Variants in CELF4 observed in about 807,000 individuals in gnomAD.
CELF4 encodes the protein CUG-BP- and ETR-3-like factor 4.
In CELF4, 18 loss-of-function variants were observed where a neutral mutation model predicts 59.9. The observed-to-expected ratio is 0.30, with a 90% CI of 0.21 to 0.45. CELF4 has a LOEUF of 0.45. Ranked by LOEUF, CELF4 falls within the 20% of genes least tolerant of loss-of-function variation. The pLI, the probability that CELF4 is intolerant of heterozygous loss-of-function variation, is 1.00. For synonymous variants in CELF4, 261 were observed against 267.1 expected, an observed-to-expected ratio of 0.98 and a Z score of 0.22; for missense variants, 456 against 689.0, an observed-to-expected ratio of 0.66 and a Z score of 3.79.
intron 1 of CELF4, among the ~76,000 whole-genome samples, chr18:37,500,634 T>C (rs1479849527): frequency 4.0e-5 from 6 of 151,444 alleles, no homozygotes; most frequent in South Asian, 4.2e-4. Flanking sequence ...CCTGGGTTCA[T>C]GCCATTCTCC....
chr18:37,485,625 C>G lies in CELF4; in HGVS notation c.287-18G>C. 1 of 1,416,894 alleles carries G rather than the reference C, an allele frequency of 7.1e-7. No individual in the cohort carries two copies. The highest frequency in any genetic ancestry group is 9.3e-7 in the Non-Finnish European group (1 of 1,072,310). 87.8% of individuals were successfully genotyped at this position (1,416,894 alleles called of 1,614,324 possible). A position where few individuals can be genotyped will look rare whatever the true frequency, so the allele number is the denominator to read the frequency against. On this transcript the variant is annotated intron_variant, in intron 1 of 12. Transcript: ENST00000420428. ...GGCGCAGCCTGGGGAGGAAAGCAAG[C>G]GCCAAGAAGGGTCAGTGGGGCGCCC... is the stretch of plus-strand genomic sequence containing the variant.
chr18:37,397,657 G>A lies in CELF4; in HGVS notation c.370-75776C>T, dbSNP rs113354286. Among the ~76,000 whole-genome samples, 334 of 152,300 alleles carry A rather than the reference G, an allele frequency of 2.2e-3. 2 individuals carry two copies. Among genetic ancestry groups the A allele is most frequent in the African/African-American group, 7.8e-3 (324 of 41,560 alleles). ...TGCCCAGAAACCAGGCCCAGGGTGG[G>A]CAAACCATGCCTGACGGATGACCAG... On this transcript the variant is annotated intron_variant, in intron 2 of 12. Coordinates refer to ENST00000420428, the MANE Select transcript of CELF4 (RefSeq NM_020180.4).
At chr18:37,426,638 C>G (rs1383128517) in intron 2 of CELF4, among the ~76,000 whole-genome samples, 1 of 152,172 alleles carries the variant, frequency 6.6e-6, no homozygotes, top group South Asian at 2.1e-4. Context: ...CTCCTTCTTC[C>G]TTCCAGGAGT....
intron 1 of CELF4, among the ~76,000 whole-genome samples, chr18:37,512,106 CGCTGG>C (rs2099945051): frequency 6.6e-6 from 1 of 152,186 alleles, no homozygotes; most frequent in Non-Finnish European, 1.5e-5. Flanking sequence ...TGCTGTCCTT[CGCTGG>C]GCTGGGAGGG....
intron 10 of CELF4, among the ~76,000 whole-genome samples, chr18:37,263,445 G>A (rs1375702519): frequency 6.6e-6 from 1 of 152,112 alleles, no homozygotes; most frequent in Non-Finnish European, 1.5e-5. Flanking sequence ...GAGGCCATCG[G>A]AAGGCTCTGA....
chr18:37,441,069 T>C (rs1171067604), intron 2 of CELF4, among the ~76,000 whole-genome samples: 2 of 152,200 alleles, frequency 1.3e-5, no homozygotes, highest in African/African-American at 4.8e-5. Flanking sequence ...CGTTCTTGCC[T>C]TGAGATCATT....
chr18:37,385,303 G>A (rs573058855), intron 2 of CELF4, among the ~76,000 whole-genome samples: 1 of 143,784 alleles, frequency 7.0e-6, no homozygotes, highest in African/African-American at 2.6e-5. Flanking sequence ...TGCAGTGAGT[G>A]GAGATCAAAC....
chr18:37,374,092 C>T (rs910956812), intron 2 of CELF4, among the ~76,000 whole-genome samples: 9 of 152,188 alleles, frequency 5.9e-5, no homozygotes, highest in African/African-American at 2.2e-4. Context: ...AGAAAGGTGG[C>T]TACCCCACCG....
chr18:37,397,454 G>A (rs1052821285), intron 2 of CELF4, among the ~76,000 whole-genome samples: 11 of 152,182 alleles, frequency 7.2e-5, no homozygotes, highest in African/African-American at 2.7e-4. Flanking sequence ...GGGTACCCAG[G>A]ACCATCTGGG....
intron 2 of CELF4, among the ~76,000 whole-genome samples, chr18:37,465,465 G>A (rs1396745187): frequency 6.6e-6 from 1 of 152,118 alleles, no homozygotes; most frequent in African/African-American, 2.4e-5. Flanking sequence ...CCTCCATGTG[G>A]ACACTGGGGG....
intron 12 of CELF4, among the ~76,000 whole-genome samples, chr18:37,250,058 T>A (rs572961677): frequency 1.3e-5 from 2 of 152,192 alleles, no homozygotes; most frequent in African/African-American, 4.8e-5. Context: ...TGGGGCCCAG[T>A]GTGTCTGGTA....
chr18:37,493,945 T>C (rs1422853674), intron 1 of CELF4, among the ~76,000 whole-genome samples: 1 of 152,222 alleles, frequency 6.6e-6, no homozygotes, highest in Non-Finnish European at 1.5e-5. Flanking sequence ...TGTGACTCTT[T>C]CTGCCCTTTG....
At chr18:37,260,686 TC>T (rs2073749974) in intron 10 of CELF4, among the ~76,000 whole-genome samples, 1 of 152,172 alleles carries the variant, frequency 6.6e-6, no homozygotes, top group Non-Finnish European at 1.5e-5. Flanking sequence ...CTTCTGCTCC[TC>T]TACCTTCCAC....
At chr18:37,512,846 T>C (rs1363812503) in intron 1 of CELF4, among the ~76,000 whole-genome samples, 1 of 152,016 alleles carries the variant, frequency 6.6e-6, no homozygotes, top group Non-Finnish European at 1.5e-5. Context: ...CTGTTCCTCT[T>C]CTTTCTTCTC....
At chr18:37,479,022 T>C (rs1398851903) in intron 2 of CELF4, among the ~76,000 whole-genome samples, 2 of 152,186 alleles carry the variant, frequency 1.3e-5, no homozygotes, top group Non-Finnish European at 2.9e-5. Flanking sequence ...AAAGTCTCCA[T>C]TCACCTAACC....
At chr18:37,366,445 A>G (rs941039871) in intron 2 of CELF4, among the ~76,000 whole-genome samples, 1 of 152,154 alleles carries the variant, frequency 6.6e-6, no homozygotes, top group African/African-American at 2.4e-5. Context: ...TTTTGCAAGC[A>G]AAGCACTGAG....
intron 3 of CELF4, among the ~76,000 whole-genome samples, chr18:37,285,635 C>A (rs1414795169): frequency 1.3e-5 from 2 of 152,156 alleles, no homozygotes; most frequent in African/African-American, 2.4e-5. Flanking sequence ...CCTTGGGATT[C>A]AGTACAGGTG....
intron 7 of CELF4, among the ~76,000 whole-genome samples, 193 bp from the exon 8 acceptor site, chr18:37,271,110 C>G (rs1457491331): frequency 1.3e-5 from 2 of 152,170 alleles, no homozygotes. Flanking sequence ...CTTCACCTAT[C>G]CCAATTGTAT....
At chr18:37,444,784 G>A (rs1454433705) in intron 2 of CELF4, among the ~76,000 whole-genome samples, 1 of 152,098 alleles carries the variant, frequency 6.6e-6, no homozygotes, top group African/African-American at 2.4e-5. Flanking sequence ...CTCCAGACGA[G>A]GCTCCCCATT....
Sources: allele counts gnomAD v4.1 joint callset (sites outside exome capture counted in the v4.1 genomes callset), GRCh38; gene constraint gnomAD v4.1.1; transcripts MANE v1.5; gene names NCBI Gene and HGNC (gene_info 2026-07-23, HGNC 2026-07-21).